Variants in CFAP58 observed in about 807,000 individuals in gnomAD.
CFAP58 encodes the protein cilia- and flagella-associated protein 58.
In CFAP58, 88 loss-of-function variants were observed where a neutral mutation model predicts 119.5. The observed-to-expected ratio is 0.74, with a 90% CI of 0.62 to 0.88. The LOEUF is 0.88. Ranked by LOEUF, CFAP58 falls within the 40% of genes least tolerant of loss-of-function variation. The probability of loss-of-function intolerance (pLI) is 0.00; values close to 1 mark genes in which losing one functional copy is unlikely to be tolerated. For missense variants in CFAP58, 990 were observed against 1,021.2 expected (o/e 0.97, Z 0.42); for synonymous variants, 365 against 366.3 (o/e 1.00, Z 0.04).
chr10:104,374,715 C>G (rs2014867530), intron 7 of CFAP58, among the ~76,000 whole-genome samples: 1 of 151,540 alleles, frequency 6.6e-6, no homozygotes, highest in Admixed American at 6.6e-5. Flanking sequence ...ATTTAAATTG[C>G]TATTAATTTT....
At chr10:104,429,023 G>T (rs2012799045) in intron 15 of CFAP58, among the ~76,000 whole-genome samples, 2 of 152,348 alleles carry the variant, frequency 1.3e-5, no homozygotes, top group South Asian at 4.1e-4. Flanking sequence ...AAGGCACAGA[G>T]GATCCATTGA....
Position 104,454,415 on chromosome 10 carries a change from C to T in CFAP58, c.2511-7C>T. 1.2e-6 allele frequency: 2 copies of T among 1,609,276 alleles called. No individual in the cohort carries two copies. The highest frequency in any genetic ancestry group is 1.1e-5 in the South Asian group (1 of 90,908). The stretch of plus-strand genomic sequence containing the variant: ...AAGGAAGCTAACTTTCACCTCCTCT[C>T]TTACAGAAACAAGGACACAGCACCC... On this transcript the variant is annotated splice_region_variant and splice_polypyrimidine_tract_variant and intron_variant, in intron 17 of 17. Transcript: ENST00000369704.
At chr10:104,444,928 A>C (rs2013090848) in intron 15 of CFAP58, among the ~76,000 whole-genome samples, 2 of 152,140 alleles carry the variant, frequency 1.3e-5, no homozygotes. Flanking sequence ...CTTTAGTGGT[A>C]ATTCAGTTTC....
chr10:104,438,123 G>A (rs2012964530), intron 15 of CFAP58, among the ~76,000 whole-genome samples: 1 of 152,060 alleles, frequency 6.6e-6, no homozygotes, highest in Non-Finnish European at 1.5e-5. Flanking sequence ...ACTGTTTCTA[G>A]AAGGACAAAA....
chr10:104,426,465 A>C (rs1344224978), intron 15 of CFAP58, among the ~76,000 whole-genome samples: 29 of 77,728 alleles, frequency 3.7e-4, no homozygotes, highest in African/African-American at 4.8e-4. Context: ...CTCCCTCCCC[A>C]CTCCCCCCAG....
At chr10:104,386,794 C>A (rs936796052) in intron 9 of CFAP58, among the ~76,000 whole-genome samples, 1 of 152,184 alleles carries the variant, frequency 6.6e-6, no homozygotes, top group Admixed American at 6.5e-5. Context: ...GTATCTGTAT[C>A]AAGTTATTTT....
At chr10:104,425,442 C>T (rs1173334715) in intron 15 of CFAP58, among the ~76,000 whole-genome samples, 1 of 152,164 alleles carries the variant, frequency 6.6e-6, no homozygotes, top group Non-Finnish European at 1.5e-5. Context: ...ATAGGCATTA[C>T]ACTAGCTCCA....
chr10:104,371,069 G>T lies in CFAP58; in HGVS notation c.1090+15G>T, dbSNP rs144244919. On this transcript the variant is annotated intron_variant, in intron 7 of 17. Transcript: ENST00000369704. ...ATTAGAGAGAGGTAAACCATTTTGC[G>T]CTTTTATTCATTTAGAAACATTTTA... 5.3e-4 allele frequency: 835 copies of T among 1,588,744 alleles called. No individual in the cohort carries two copies. Among genetic ancestry groups the T allele is most frequent in the South Asian group, 1.2e-3 (104 of 86,694 alleles).
chr10:104,445,316 C>T (rs1299806109), intron 15 of CFAP58, among the ~76,000 whole-genome samples: 1 of 133,544 alleles, frequency 7.5e-6, no homozygotes, highest in Non-Finnish European at 1.6e-5. Context: ...GAGTGAGACC[C>T]GGTCTCAAAA....
chr10:104,418,518 G>C (rs887004066), intron 15 of CFAP58, among the ~76,000 whole-genome samples: 8 of 152,106 alleles, frequency 5.3e-5, no homozygotes, highest in Admixed American at 3.9e-4. Context: ...ACTGCAGTCC[G>C]GCCTGGGTGA....
chr10:104,376,195 A>G (rs768892429), intron 7 of CFAP58, among the ~76,000 whole-genome samples: 3 of 152,202 alleles, frequency 2.0e-5, no homozygotes, highest in Non-Finnish European at 2.9e-5. Flanking sequence ...CAGATTGGAA[A>G]GTAAGTCATG....
chr10:104,342,447 T>C, the CFAP58 span, among the ~76,000 whole-genome samples: 1 of 152,146 alleles, frequency 6.6e-6, no homozygotes, highest in Admixed American at 6.5e-5. Flanking sequence ...TTCTATTGGC[T>C]TGTTTATGTG....
At chr10:104,449,994 A>G (rs2013168761) in intron 16 of CFAP58, 77 bp from the exon 17 acceptor site, 2 of 1,428,846 alleles carry the variant, frequency 1.4e-6, no homozygotes, top group Non-Finnish European at 1.9e-6. Context: ...CCACTGCGGT[A>G]AATGGTAGCA....
intron 15 of CFAP58, among the ~76,000 whole-genome samples, chr10:104,420,792 G>A (rs2012644291): frequency 7.5e-6 from 1 of 132,506 alleles, no homozygotes; most frequent in African/African-American, 2.9e-5. Context: ...TCACTCTGGT[G>A]TTCAGGCTGG....
intron 15 of CFAP58, among the ~76,000 whole-genome samples, chr10:104,424,234 C>T (rs967518695): frequency 3.9e-5 from 6 of 152,200 alleles, no homozygotes; most frequent in African/African-American, 1.4e-4. Flanking sequence ...GTTCTTGACA[C>T]ACAGTCTTCT....
chr10:104,397,204 T>G (rs747173033), intron 11 of CFAP58, among the ~76,000 whole-genome samples: 8 of 152,244 alleles, frequency 5.3e-5, no homozygotes, highest in Non-Finnish European at 7.3e-5. Context: ...ATTTTATTGC[T>G]GTCTTTGCTG....
intron 1 of CFAP58, among the ~76,000 whole-genome samples, chr10:104,358,000 CATATATACACAT>C (rs2014608075): frequency 1.5e-5 from 2 of 133,224 alleles, no homozygotes; most frequent in Admixed American, 7.3e-5. Flanking sequence ...TATATGTACA[CATATATACACAT>C]ATATGTACAT....
chr10:104,343,298 C>T, the CFAP58 span, among the ~76,000 whole-genome samples: 5 of 152,170 alleles, frequency 3.3e-5, no homozygotes, highest in Admixed American at 2.6e-4. Flanking sequence ...CTGGGAATGT[C>T]GGAGCCCACA....
the CFAP58 span, among the ~76,000 whole-genome samples, chr10:104,347,723 T>C: frequency 6.6e-6 from 1 of 152,090 alleles, no homozygotes; most frequent in Admixed American, 6.5e-5. Flanking sequence ...AAAACTCACT[T>C]CATCTAGCTT....
Sources: gnomAD v4.1 joint callset for allele counts (sites outside exome capture counted in the v4.1 genomes callset) on GRCh38, gnomAD v4.1.1 for gene constraint, MANE v1.5 for transcripts, NCBI Gene and HGNC (gene_info 2026-07-23, HGNC 2026-07-21) for gene names.